Variants in SYNE2 observed in about 807,000 individuals in gnomAD.
SYNE2 encodes the protein nesprin-2.
Under a neutral mutation model 856.3 loss-of-function variants are expected in SYNE2, and 431 were observed. The ratio of observed to expected loss-of-function variants is 0.50; its 90% CI spans 0.47 to 0.55. The LOEUF is 0.55. Among genes scored for constraint, SYNE2 ranks in the 20% least tolerant of loss-of-function variants. The pLI, the probability that SYNE2 is intolerant of heterozygous loss-of-function variation, is 0.00. For missense variants in SYNE2, 8,129 were observed against 8,023.2 expected (o/e 1.01, Z -0.50); for synonymous variants, 2,923 against 2,872.3 (o/e 1.02, Z -0.56).
intron 31 of SYNE2, among the ~76,000 whole-genome samples, chr14:64,007,538 T>G (rs767999147): frequency 3.3e-5 from 5 of 152,194 alleles, no homozygotes; most frequent in African/African-American, 2.4e-5. Flanking sequence ...ACTTAGTGGC[T>G]TAAAAAGAAC....
chr14:63,889,793 A>G (rs891714780), intron 1 of SYNE2, among the ~76,000 whole-genome samples: 4 of 152,122 alleles, frequency 2.6e-5, no homozygotes, highest in African/African-American at 7.2e-5. Context: ...TGCAGTATTT[A>G]GTCACAGTTT....
intron 1 of SYNE2, among the ~76,000 whole-genome samples, chr14:63,862,401 G>C (rs998195008): frequency 3.1e-4 from 46 of 150,520 alleles, no homozygotes; most frequent in Non-Finnish European, 7.4e-5. Context: ...CTCCAGCCTC[G>C]TGTTTTGATA....
intron 23 of SYNE2, among the ~76,000 whole-genome samples, chr14:63,995,730 C>CATCTGTCTATCTATCT (rs1555419686): frequency 6.2e-5 from 7 of 113,454 alleles, no homozygotes; most frequent in African/African-American, 2.9e-4. Flanking sequence ...TATATCTATC[C>CATCTGTCTATCTATCT]ATCTATCTAT....
At chr14:64,184,539 G>A (rs2098479199) in intron 96 of SYNE2, among the ~76,000 whole-genome samples, 1 of 152,162 alleles carries the variant, frequency 6.6e-6, no homozygotes, top group African/African-American at 2.4e-5. Context: ...CAGCACCTCT[G>A]AGCAGGGCAC....
rs371688900 is a variant in SYNE2 at position 64,146,208 on chromosome 14, G to A, written c.15624G>A (p.Leu5208=). The A allele has an allele frequency of 2.0e-4, 314 of 1,609,622 alleles. 2 individuals carry two copies. The South Asian group carries it at 3.3e-3, about 17-fold the overall frequency. The part of the protein sequence containing the change: ...KPESVISVQK[L]LLDCQDIENQ... Reference sequence around the variant, plus strand: ...AAAGTGTGATCTCAGTGCAGAAGCTGCTCCTGGACTGTCAGGTGAGGAGGG... The same window carrying A: ...AAAGTGTGATCTCAGTGCAGAAGCTACTCCTGGACTGTCAGGTGAGGAGGG... The change falls in exon 84 of 116, where the codon CTG becomes CTA. Residue 5208 remains leucine (L), a synonymous_variant. Coordinates refer to ENST00000555002, the MANE Select transcript of SYNE2 (RefSeq NM_182914.3).
chr14:63,948,706 GTATATATATA>G (rs74187746), intron 6 of SYNE2, among the ~76,000 whole-genome samples: 4 of 83,326 alleles, frequency 4.8e-5, no homozygotes, highest in African/African-American at 1.8e-4. Context: ...ATATATATAT[GTATATATATA>G]TGTGTGTATA....
intron 1 of SYNE2, among the ~76,000 whole-genome samples, chr14:63,880,403 A>C (rs1343395728): frequency 1.3e-5 from 2 of 152,124 alleles, no homozygotes; most frequent in African/African-American, 4.8e-5. Context: ...AAGTAGTTTT[A>C]AAAAAATATG....
chr14:63,905,392 T>C (rs2153341217), intron 1 of SYNE2, among the ~76,000 whole-genome samples: 1 of 152,320 alleles, frequency 6.6e-6, no homozygotes, highest in African/African-American at 2.4e-5. Flanking sequence ...TAAATTGCTT[T>C]GATAGTATGG....
At position 64,130,069 on chromosome 14, in the gene SYNE2, G is replaced by A. The variant is rs752108341; in HGVS notation, c.14161G>A (p.Gly4721Arg). ...TCAGGATGTACTTGACAGTATGTGG[G>A]GAATGCTAAGAGCCAGGTACACAGA... Reference protein sequence around the residue: ...KLEDVLDSMWGMLRARYTELS... With the variant: ...KLEDVLDSMWRMLRARYTELS... The change falls in exon 76 of 116, where the codon GGA (glycine) becomes AGA (arginine). Residue 4721 changes from glycine (G) to arginine (R), a missense_variant. Around this residue, in one of 3 missense-constraint regions of SYNE2, gnomAD observed 5,410 missense variants for 5,284.8 expected, o/e 1.02. Transcript: ENST00000555002. 6.2e-7 allele frequency: 1 copy of A among 1,613,934 alleles called. No homozygotes were observed.
At chr14:64,040,938 C>T (rs2097143694) in intron 45 of SYNE2, among the ~76,000 whole-genome samples, 1 of 151,638 alleles carries the variant, frequency 6.6e-6, no homozygotes, top group South Asian at 2.1e-4. Context: ...AGTAAAACAC[C>T]AGAGCCAAAA....
rs74482415 is a variant in SYNE2, at chr14:63,972,219, A to G, written c.1129-4344A>G. Among the ~76,000 whole-genome samples the G allele has an allele frequency of 4.3e-4, 65 of 152,336 alleles. 1 individual carries two copies. In the East Asian group the frequency reaches 0.012, roughly 29 times the overall value. Reference sequence around the variant, plus strand: ...TTGTGAAGGATAAGACCTGTCCGTGACAGGTCCTCACAAAGTGGAAGGCAA... The same window carrying G: ...TTGTGAAGGATAAGACCTGTCCGTGGCAGGTCCTCACAAAGTGGAAGGCAA... On this transcript the variant is annotated intron_variant, in intron 11 of 115. Transcript: ENST00000555002.
chr14:64,008,407 A>T (rs2096816756), intron 31 of SYNE2, among the ~76,000 whole-genome samples: 1 of 152,104 alleles, frequency 6.6e-6, no homozygotes, highest in Non-Finnish European at 1.5e-5. Context: ...ACACGCCCCT[A>T]CCTGAATGGG....
Position 64,188,591 on chromosome 14 carries a change from A to G in SYNE2, c.17754A>G (p.Thr5918=), listed in dbSNP as rs1165468789. The change falls in exon 98 of 116, where the codon ACA becomes ACG. Residue 5918 remains threonine (T), a synonymous_variant. Transcript: ENST00000555002. The part of the protein sequence containing the change: ...RKQEIEDRLN[T]WVVFNEKNKE... ...AGGAGATTGAAGACAGACTCAATACATGGGTTGTATTCAATGAAAAAAATA... is the reference window on the plus strand; with the variant it reads ...AGGAGATTGAAGACAGACTCAATACGTGGGTTGTATTCAATGAAAAAAATA... The G allele has an allele frequency of 1.9e-6, 3 of 1,614,122 alleles. No individual in the cohort carries two copies. The highest frequency in any genetic ancestry group is 2.7e-5 in the African/African-American group (2 of 74,932).
chr14:64,051,528 A>G (rs371777327), intron 47 of SYNE2, 29 bp from the exon 48 acceptor site: 15 of 1,585,534 alleles, frequency 9.5e-6, no homozygotes, highest in East Asian at 4.5e-5. Flanking sequence ...ATTAAATATT[A>G]ACAAGCTCTA....
At chr14:64,202,744 TG>T in intron 99 of SYNE2, 56 bp from the exon 100 acceptor site, 3 of 1,611,550 alleles carry the variant, frequency 1.9e-6, no homozygotes, top group Non-Finnish European at 2.5e-6. Flanking sequence ...ATTGGGCTTT[TG>T]TTTTCCATCA....
At chr14:64,183,882 G>C (rs2098474533) in intron 96 of SYNE2, among the ~76,000 whole-genome samples, 1 of 149,554 alleles carries the variant, frequency 6.7e-6, no homozygotes, top group Non-Finnish European at 1.5e-5. Context: ...TCCAGCTTTG[G>C]CTCAGCATCA....
At chr14:64,060,844 C>G (rs1376078924) in intron 49 of SYNE2, among the ~76,000 whole-genome samples, 1 of 152,126 alleles carries the variant, frequency 6.6e-6, no homozygotes, top group African/African-American at 2.4e-5. Context: ...GGGCAGTTGC[C>G]CTCTGGCTAG....
chr14:64,126,544 G>A (rs1032731213), intron 72 of SYNE2, 54 bp from the exon 73 acceptor site: 36 of 1,614,002 alleles, frequency 2.2e-5, no homozygotes, highest in Non-Finnish European at 2.9e-5. Context: ...AAGCCCACGT[G>A]GAAGCCTCTT....
chr14:63,827,005 C>T (rs12895020), intron 1 of SYNE2, among the ~76,000 whole-genome samples: 9,154 of 152,108 alleles, frequency 0.06, 299 homozygotes, highest in Middle Eastern at 0.099. Context: ...CAGCTGGGCA[C>T]GGTAGCTCAC....
Sources: allele counts gnomAD v4.1 joint callset (sites outside exome capture counted in the v4.1 genomes callset), GRCh38; gene constraint gnomAD v4.1.1; regional missense constraint gnomAD v4.1.1; transcripts MANE v1.5; gene names NCBI Gene and HGNC (gene_info 2026-07-23, HGNC 2026-07-21).